LSAMP: variants seen among roughly 807,000 people sequenced by gnomAD.
LSAMP encodes limbic system associated membrane protein, also known as limbic system-associated membrane protein.
LSAMP carries 7 observed loss-of-function variants against 38.6 expected under a neutral mutation model. The ratio of observed to expected loss-of-function variants is 0.18; its 90% CI spans 0.10 to 0.34. LSAMP has a LOEUF of 0.34. Among genes scored for constraint, LSAMP ranks in the 10% least tolerant of loss-of-function variants. The pLI is 1.00. For missense variants in LSAMP, 313 were observed against 420.0 expected (o/e 0.75, Z 2.23); for synonymous variants, 154 against 166.8 (o/e 0.92, Z 0.59).
At chr3:116,405,259 T>A (rs1402532167) in intron 1 of LSAMP, among the ~76,000 whole-genome samples, 1 of 152,140 alleles carries the variant, frequency 6.6e-6, no homozygotes, top group Non-Finnish European at 1.5e-5. Flanking sequence ...CATTTCCTAT[T>A]ATGTTACACT....
At chr3:116,430,538 A>T (rs995000304) in intron 1 of LSAMP, among the ~76,000 whole-genome samples, 3 of 152,138 alleles carry the variant, frequency 2.0e-5, no homozygotes, top group Admixed American at 6.5e-5. Flanking sequence ...TAGTTCCTTA[A>T]CAGGAAAGCC....
chr3:115,862,456 C>T (rs1035836497), intron 3 of LSAMP, among the ~76,000 whole-genome samples: 2 of 152,192 alleles, frequency 1.3e-5, no homozygotes, highest in Non-Finnish European at 2.9e-5. Flanking sequence ...CCTGATGTTG[C>T]AATGACCTCA....
At chr3:116,244,736 C>T (rs550232390) in intron 1 of LSAMP, among the ~76,000 whole-genome samples, 1 of 152,312 alleles carries the variant, frequency 6.6e-6, no homozygotes, top group South Asian at 2.1e-4. Context: ...CAGGGACTCA[C>T]ATTTATTTAT....
At chr3:116,207,122 C>T (rs2046080875) in intron 1 of LSAMP, among the ~76,000 whole-genome samples, 1 of 152,084 alleles carries the variant, frequency 6.6e-6, no homozygotes, top group Non-Finnish European at 1.5e-5. Context: ...GAATAGTTAG[C>T]TCTTCTTGTT....
chr3:115,932,610 T>C (rs1265569546), intron 3 of LSAMP, among the ~76,000 whole-genome samples: 8 of 152,220 alleles, frequency 5.3e-5, no homozygotes, highest in South Asian at 2.1e-4. Flanking sequence ...TTGGCATGTA[T>C]AGTATAACTT....
chr3:116,200,537 C>T (rs554380436), intron 1 of LSAMP, among the ~76,000 whole-genome samples: 101 of 152,268 alleles, frequency 6.6e-4, no homozygotes, highest in Admixed American at 2.6e-3. Context: ...TCTCTAGCTT[C>T]GAGACAATCA....
chr3:116,385,278 G>A lies in LSAMP; in HGVS notation c.155+59599C>T, dbSNP rs371460323. 3.9e-5 allele frequency among the ~76,000 whole-genome samples: 6 copies of A among 152,156 alleles called. No individual in the cohort carries two copies. The East Asian group carries it at 9.7e-4, about 24-fold the overall frequency. ...GATTCAGTTTCTATATACATCACTC[G>A]AGAAAGTTGGTTAAAATCCTTTAAT... On this transcript the variant is annotated intron_variant, in intron 1 of 6. Coordinates refer to ENST00000490035, the MANE Select transcript of LSAMP (RefSeq NM_002338.5).
intron 2 of LSAMP, among the ~76,000 whole-genome samples, chr3:116,020,286 T>C (rs895437533): frequency 3.3e-5 from 5 of 152,188 alleles, no homozygotes; most frequent in African/African-American, 1.2e-4. Flanking sequence ...CTATTACTTC[T>C]AGTACTTCCA....
intron 1 of LSAMP, among the ~76,000 whole-genome samples, chr3:116,096,654 T>G (rs570076696): frequency 6.6e-6 from 1 of 152,318 alleles, no homozygotes; most frequent in African/African-American, 2.4e-5. Context: ...CCAGATCCAC[T>G]TAGTTTCATA....
chr3:115,837,838 T>C (rs1301610828), intron 6 of LSAMP: 1 of 152,212 alleles, frequency 6.6e-6, no homozygotes, highest in Admixed American at 6.5e-5. Flanking sequence ...ACTTAACTTT[T>C]CTATGCAATG....
At chr3:116,308,110 T>A (rs925209624) in intron 1 of LSAMP, among the ~76,000 whole-genome samples, 4 of 151,966 alleles carry the variant, frequency 2.6e-5, no homozygotes, top group African/African-American at 4.8e-5. Flanking sequence ...CTGTTTCTTC[T>A]ACCTAAAAAC....
At chr3:115,833,770 G>A (rs867020947) in intron 6 of LSAMP, among the ~76,000 whole-genome samples, 13 of 112,124 alleles carry the variant, frequency 1.2e-4, no homozygotes, top group African/African-American at 5.6e-4. Flanking sequence ...TTTTTCTCAG[G>A]TCTTTGAGTC....
intron 1 of LSAMP, among the ~76,000 whole-genome samples, chr3:116,113,407 TATATA>T (rs1708663515): frequency 1.5e-4 from 10 of 65,920 alleles, no homozygotes; most frequent in Non-Finnish European, 2.0e-4. Flanking sequence ...GCCCTATATA[TATATA>T]TATATATATT....
At chr3:116,333,796 A>C (rs67178951) in intron 1 of LSAMP, among the ~76,000 whole-genome samples, 47 of 151,816 alleles carry the variant, frequency 3.1e-4, no homozygotes, top group African/African-American at 9.4e-4. Flanking sequence ...CGAACACTTA[A>C]ATTTAAAAAA....
chr3:115,826,832 C>T (rs1934429115), intron 6 of LSAMP, among the ~76,000 whole-genome samples: 2 of 151,934 alleles, frequency 1.3e-5, no homozygotes, highest in South Asian at 4.1e-4. Flanking sequence ...CTCTACAAAG[C>T]AAAGGCAAGA....
intron 6 of LSAMP, among the ~76,000 whole-genome samples, chr3:115,835,348 T>C (rs577509644): frequency 6.6e-6 from 1 of 151,956 alleles, no homozygotes; most frequent in East Asian, 1.9e-4. Flanking sequence ...GACAGTCCCA[T>C]ACATAAGCTA....
intron 1 of LSAMP, among the ~76,000 whole-genome samples, chr3:116,438,448 C>A (rs2049386314): frequency 1.3e-5 from 2 of 152,172 alleles, no homozygotes; most frequent in Admixed American, 1.3e-4. Flanking sequence ...CTTCTGACTA[C>A]TTGTTGACCA....
intron 1 of LSAMP, among the ~76,000 whole-genome samples, chr3:116,113,491 TCTCGG>T (rs1436081589): frequency 2.4e-5 from 3 of 127,228 alleles, no homozygotes; most frequent in Non-Finnish European, 4.7e-5. Flanking sequence ...AGTGGCGGGA[TCTCGG>T]CTCACTGCAA....
Position 115,806,891 on chromosome 3 carries a change from T to C in LSAMP, c.*3426A>G, listed in dbSNP as rs1460520809. 2 of 152,202 alleles carry C rather than the reference T, an allele frequency of 1.3e-5. No individual in the cohort carries two copies. Among genetic ancestry groups the C allele is most frequent in the East Asian group, 3.8e-4 (2 of 5,198 alleles). 9.4% of individuals were successfully genotyped at this position (152,202 alleles called of 1,614,324 possible). A position where few individuals can be genotyped will look rare whatever the true frequency, so the allele number is the denominator to read the frequency against. ...AATTCTGCAGTTGTAAAGCCCTGGA[T>C]AGTTCTCATTCTTCAGGAAGCACCC... On this transcript the variant is annotated 3_prime_UTR_variant, in exon 7 of 7. Transcript: ENST00000490035.
Sources: gnomAD v4.1 joint callset for allele counts (sites outside exome capture counted in the v4.1 genomes callset) on GRCh38, gnomAD v4.1.1 for gene constraint, MANE v1.5 for transcripts, NCBI Gene and HGNC (gene_info 2026-07-23, HGNC 2026-07-21) for gene names.